LEKR1: variants seen among roughly 807,000 people sequenced by gnomAD.
LEKR1 encodes protein LEKR1.
LEKR1 carries 59 observed loss-of-function variants against 72.4 expected under a neutral mutation model. That is an observed-to-expected ratio of 0.82 (90% CI 0.66 to 1.01). The LOEUF (loss-of-function observed/expected upper bound fraction) is 1.01. Ranked by LOEUF, LEKR1 falls within the 50% of genes least tolerant of loss-of-function variation. The pLI is 0.00. For missense variants in LEKR1, 728 were observed against 759.2 expected (o/e 0.96, Z 0.48); for synonymous variants, 257 against 263.2 (o/e 0.98, Z 0.23).
intron 12 of LEKR1, among the ~76,000 whole-genome samples, chr3:157,039,222 A>AAAAGTATGTAATGTTTTT: frequency 6.6e-6 from 1 of 152,226 alleles, no homozygotes; most frequent in Admixed American, 6.5e-5. Context: ...ATACTTTTTA[A>AAAAGTATGTAATGTTTTT]AAACATTGGC....
intron 6 of LEKR1, among the ~76,000 whole-genome samples, chr3:156,952,513 G>A (rs1307203819): frequency 6.6e-6 from 1 of 151,110 alleles, no homozygotes; most frequent in South Asian, 2.1e-4. Flanking sequence ...AATAAAAAAC[G>A]AAACTACTAA....
chr3:156,902,815 A>G (rs1251505305), intron 3 of LEKR1, among the ~76,000 whole-genome samples: 4 of 152,034 alleles, frequency 2.6e-5, no homozygotes, highest in African/African-American at 9.7e-5. Flanking sequence ...AAAAGCTTTC[A>G]TAGCGAAATG....
chr3:156,868,685 A>G (rs547605500), intron 3 of LEKR1, among the ~76,000 whole-genome samples: 35 of 152,168 alleles, frequency 2.3e-4, no homozygotes, highest in African/African-American at 8.2e-4. Flanking sequence ...ATAATTTCTA[A>G]GTTGGGAATA....
intron 10 of LEKR1, among the ~76,000 whole-genome samples, chr3:157,015,195 C>A (rs1202566522): frequency 6.6e-6 from 1 of 152,068 alleles, no homozygotes; most frequent in Non-Finnish European, 1.5e-5. Context: ...GTTGAGGAAA[C>A]CTTGCAGCGT....
chr3:156,958,911 C>G (rs1727883573), intron 6 of LEKR1, among the ~76,000 whole-genome samples: 1 of 152,130 alleles, frequency 6.6e-6, no homozygotes, highest in Non-Finnish European at 1.5e-5. Context: ...TTTTGTTTGG[C>G]TTTACTTTCT....
At chr3:156,826,674 CA>C (rs2108525671) in intron 1 of LEKR1, 1 of 155,778 alleles carries the variant, frequency 6.4e-6, no homozygotes, top group Non-Finnish European at 1.5e-5. Context: ...ACTGCAGGTC[CA>C]GGGGGAACGG....
At chr3:156,944,414 T>A (rs187518069) in intron 6 of LEKR1, among the ~76,000 whole-genome samples, 2 of 151,900 alleles carry the variant, frequency 1.3e-5, no homozygotes, top group East Asian at 3.9e-4. Context: ...TTACATACAA[T>A]TAATTTATAC....
At chr3:156,959,580 T>A (rs1304404788) in intron 6 of LEKR1, among the ~76,000 whole-genome samples, 1 of 152,176 alleles carries the variant, frequency 6.6e-6, no homozygotes, top group Non-Finnish European at 1.5e-5. Flanking sequence ...CTTCAGAGAA[T>A]TCAAACTCTA....
At chr3:156,841,126 A>G (rs1256180257) in intron 2 of LEKR1, among the ~76,000 whole-genome samples, 1 of 152,212 alleles carries the variant, frequency 6.6e-6, no homozygotes, top group Non-Finnish European at 1.5e-5. Flanking sequence ...GAAGGCAGAA[A>G]GAGGAATCCC....
At chr3:156,854,196 T>A (rs1715745758) in intron 3 of LEKR1, among the ~76,000 whole-genome samples, 1 of 142,006 alleles carries the variant, frequency 7.0e-6, no homozygotes. Flanking sequence ...AAGGCTGGAG[T>A]GCAGTGTCGT....
At chr3:156,883,497 AT>A (rs1410949932) in intron 3 of LEKR1, among the ~76,000 whole-genome samples, 4 of 152,164 alleles carry the variant, frequency 2.6e-5, no homozygotes, top group Admixed American at 2.6e-4. Context: ...GAGTAGAATG[AT>A]ATGGTTTGTC....
chr3:156,854,734 T>TC (rs908645393), intron 3 of LEKR1, among the ~76,000 whole-genome samples: 2 of 151,696 alleles, frequency 1.3e-5, no homozygotes, highest in African/African-American at 2.4e-5. Context: ...TTTTTTTTTT[T>TC]CTAGAGATGC....
intron 6 of LEKR1, among the ~76,000 whole-genome samples, chr3:156,964,906 C>T (rs575768266): frequency 6.6e-6 from 1 of 152,238 alleles, no homozygotes; most frequent in East Asian, 1.9e-4. Flanking sequence ...ATTAACCCTA[C>T]GTCTTTTCTT....
chr3:156,928,535 G>A (rs1724933031), intron 5 of LEKR1, among the ~76,000 whole-genome samples: 1 of 152,010 alleles, frequency 6.6e-6, no homozygotes, highest in Non-Finnish European at 1.5e-5. Flanking sequence ...ATATTGGACT[G>A]AGAGCAAGGT....
chr3:157,044,075 A>G (rs1334018702), intron 12 of LEKR1, among the ~76,000 whole-genome samples: 3 of 152,216 alleles, frequency 2.0e-5, no homozygotes, highest in Non-Finnish European at 2.9e-5. Context: ...GTGCTTTGTT[A>G]TTTAGTTCTT....
chr3:156,926,316 A>G (rs1172302389), intron 4 of LEKR1, among the ~76,000 whole-genome samples: 1 of 152,082 alleles, frequency 6.6e-6, no homozygotes, highest in Non-Finnish European at 1.5e-5. Flanking sequence ...ATGTATTAGA[A>G]AAGTTTAATA....
intron 3 of LEKR1, among the ~76,000 whole-genome samples, chr3:156,866,028 A>G (rs376865195): frequency 6.6e-6 from 1 of 152,066 alleles, no homozygotes; most frequent in Non-Finnish European, 1.5e-5. Context: ...GCTAAGTTCC[A>G]TGAAAACCAG....
intron 7 of LEKR1, chr3:156,988,740 A>T: frequency 5.1e-6 from 1 of 197,450 alleles, no homozygotes. Flanking sequence ...TGTATCTTTG[A>T]TGTATCTTTG....
intron 12 of LEKR1, among the ~76,000 whole-genome samples, chr3:157,044,303 A>G (rs931566795): frequency 6.6e-6 from 1 of 152,246 alleles, no homozygotes; most frequent in Non-Finnish European, 1.5e-5. Context: ...TCATAAAGAC[A>G]TGAATGTCAG....
Sources: allele counts gnomAD v4.1 joint callset (sites outside exome capture counted in the v4.1 genomes callset), GRCh38; gene constraint gnomAD v4.1.1; transcripts MANE v1.5; gene names NCBI Gene and HGNC (gene_info 2026-07-23, HGNC 2026-07-21).